The following KCNQ2 variants were observed in gnomAD, a reference collection of about 807,000 sequenced individuals.
The protein encoded by KCNQ2 is potassium voltage-gated channel subfamily Q member 2.
In KCNQ2, 14 loss-of-function variants were observed where a neutral mutation model predicts 84.8. That is an observed-to-expected ratio of 0.17 (90% CI 0.11 to 0.26). KCNQ2 has a LOEUF of 0.26. Among genes scored for constraint, KCNQ2 ranks in the 10% least tolerant of loss-of-function variants. KCNQ2 has a pLI of 1.00. For synonymous variants in KCNQ2, 599 were observed against 554.1 expected (o/e 1.08, Z -1.14); for missense variants, 788 against 1,254.0 (o/e 0.63, Z 5.61).
chr20:63,457,805 G>A (rs554392405), intron 1 of KCNQ2, among the ~76,000 whole-genome samples: 7 of 152,350 alleles, frequency 4.6e-5, no homozygotes, highest in Middle Eastern at 3.4e-3. Flanking sequence ...CATCCGCCAT[G>A]CACCCCAGGG....
At chr20:63,426,849 A>G (rs563612680) in intron 10 of KCNQ2, among the ~76,000 whole-genome samples, 14 of 152,294 alleles carry the variant, frequency 9.2e-5, no homozygotes, top group African/African-American at 3.4e-4. Flanking sequence ...AGTTTCTTCC[A>G]GCCTGCACCT....
At chr20:63,439,861 G>A (rs987149302) in intron 5 of KCNQ2, 153 bp from the exon 6 acceptor site, 8 of 689,652 alleles carry the variant, frequency 1.2e-5, no homozygotes, top group Non-Finnish European at 2.1e-5. Flanking sequence ...GGCCAGGGTC[G>A]GTGTCGGCCG....
In KCNQ2 at chr20:63,446,959, TC is replaced by T; in HGVS notation, c.297-123del. ...AGCAGGGCACCAGCATGGCCGCGTC[TC>T]CAGAACGCAGGACCCCACTCCCCAC... On this transcript the variant is annotated intron_variant, in intron 1 of 16. Transcript: ENST00000359125. This position sits in a 1 kb window ranked among gnomAD's most constrained non-coding sequence, Gnocchi z 5.5. 1 of 877,938 alleles carries T rather than the reference TC, an allele frequency of 1.1e-6. No homozygotes were observed. The highest frequency in any genetic ancestry group is 1.9e-6 in the Non-Finnish European group (1 of 528,186). 54.4% of individuals were successfully genotyped at this position (877,938 alleles called of 1,614,324 possible).
chr20:63,426,382 C>T (rs2080636317), intron 10 of KCNQ2, among the ~76,000 whole-genome samples: 1 of 152,230 alleles, frequency 6.6e-6, no homozygotes, highest in African/African-American at 2.4e-5. Context: ...GGCTTCTCTC[C>T]AAAGCAGGCT....
Position 63,446,932 on chromosome 20 carries a change from G to A in KCNQ2, c.297-95C>T, listed in dbSNP as rs1241628501. On this transcript the variant is annotated intron_variant, in intron 1 of 16. Coordinates refer to ENST00000359125, the MANE Select transcript of KCNQ2 (RefSeq NM_172107.4). This position sits in a 1 kb window ranked among gnomAD's most constrained non-coding sequence, Gnocchi z 5.5. Reference sequence around the variant, plus strand: ...TCAGGACCCCACTCCCCACCAGGCCGCAGCAGGGCACCAGCATGGCCGCGT... The same window carrying A: ...TCAGGACCCCACTCCCCACCAGGCCACAGCAGGGCACCAGCATGGCCGCGT... The A allele has an allele frequency of 1.4e-5, 15 of 1,076,602 alleles. No individual in the cohort carries two copies. Among genetic ancestry groups the A allele is most frequent in the East Asian group, 2.4e-5 (1 of 42,300 alleles). The allele number at this position is 1,076,602 out of a possible 1,614,324, so 66.7% of individuals were successfully genotyped here. A position where few individuals can be genotyped will look rare whatever the true frequency, so the allele number is the denominator to read the frequency against.
intron 10 of KCNQ2, 97 bp from the exon 11 acceptor site, chr20:63,424,303 G>T: frequency 7.2e-7 from 1 of 1,382,680 alleles, no homozygotes; most frequent in East Asian, 2.5e-5. Flanking sequence ...TGGGTCAGGG[G>T]CTGCAGGGGA....
At chr20:63,462,321 C>T (rs966341513) in intron 1 of KCNQ2, among the ~76,000 whole-genome samples, 2 of 150,188 alleles carry the variant, frequency 1.3e-5, no homozygotes, top group African/African-American at 4.9e-5. Context: ...GCACCTACCC[C>T]AGGCAGCAGG....
intron 1 of KCNQ2, among the ~76,000 whole-genome samples, chr20:63,456,627 T>C (rs1043227561): frequency 6.6e-6 from 1 of 152,078 alleles, no homozygotes; most frequent in Non-Finnish European, 1.5e-5. Flanking sequence ...GCTAAGCTTC[T>C]CAGCACACCC....
chr20:63,435,390 C>CA (rs11471604), intron 7 of KCNQ2, among the ~76,000 whole-genome samples: 68,356 of 135,862 alleles, frequency 0.5, 17,378 homozygotes, highest in Admixed American at 0.62. Flanking sequence ...CCTATCTCAA[C>CA]AACAACAAAA....
intron 14 of KCNQ2, among the ~76,000 whole-genome samples, 190 bp downstream of exon 14, chr20:63,413,898 G>C (rs954622647): frequency 7.2e-5 from 11 of 152,182 alleles, no homozygotes; most frequent in African/African-American, 2.7e-4. Context: ...CCCGAAACCC[G>C]CCTGAGTCCC....
chr20:63,437,658 C>T (rs1288990429), intron 7 of KCNQ2, among the ~76,000 whole-genome samples: 1 of 152,254 alleles, frequency 6.6e-6, no homozygotes, highest in Non-Finnish European at 1.5e-5. Flanking sequence ...GGATTATCTC[C>T]ATCTCAAGAT....
At chr20:63,465,988 A>C (rs1019295783) in intron 1 of KCNQ2, among the ~76,000 whole-genome samples, 2 of 152,038 alleles carry the variant, frequency 1.3e-5, no homozygotes, top group Non-Finnish European at 2.9e-5. Context: ...GTCTGCGTGG[A>C]AACTAGAAGC....
intron 4 of KCNQ2, among the ~76,000 whole-genome samples, chr20:63,442,848 C>CCACCACCATCACCAT (rs2081237295): frequency 2.9e-5 from 1 of 34,916 alleles, no homozygotes. Context: ...ACCACCATCA[C>CCACCACCATCACCAT]CATCACCACC....
intron 1 of KCNQ2, among the ~76,000 whole-genome samples, chr20:63,453,424 G>A (rs1434288058): frequency 6.6e-6 from 1 of 152,266 alleles, no homozygotes; most frequent in East Asian, 1.9e-4. Context: ...CGTTGGCCAA[G>A]TTCTTCAATT....
intron 11 of KCNQ2, among the ~76,000 whole-genome samples, chr20:63,423,331 G>A (rs6010932): frequency 0.012 from 1,770 of 152,274 alleles, 36 homozygotes; most frequent in African/African-American, 0.041. Flanking sequence ...GCAGCCAGGC[G>A]TCCATCTCGG....
chr20:63,452,899 G>A (rs2081656272), intron 1 of KCNQ2, among the ~76,000 whole-genome samples: 1 of 152,204 alleles, frequency 6.6e-6, no homozygotes. Flanking sequence ...GCCAGCCGGA[G>A]CTCCAGCTGC....
At chr20:63,421,610 C>T (rs766372692) in intron 11 of KCNQ2, among the ~76,000 whole-genome samples, 2 of 152,146 alleles carry the variant, frequency 1.3e-5, no homozygotes, top group Admixed American at 6.5e-5. Context: ...AGACACTGAC[C>T]GAGACCCGAC....
chr20:63,458,398 G>A (rs1454959637), intron 1 of KCNQ2, among the ~76,000 whole-genome samples: 2 of 152,068 alleles, frequency 1.3e-5, no homozygotes, highest in East Asian at 1.9e-4. Flanking sequence ...CTCCCCTCCT[G>A]CCCTCGGCAA....
At chr20:63,427,925 C>T (rs557415721) in intron 10 of KCNQ2, among the ~76,000 whole-genome samples, 1 of 152,346 alleles carries the variant, frequency 6.6e-6, no homozygotes, top group South Asian at 2.1e-4. Flanking sequence ...ACCTCTCCTG[C>T]TCAGCAGGCC....
Sources: allele counts gnomAD v4.1 joint callset (sites outside exome capture counted in the v4.1 genomes callset), GRCh38; gene constraint gnomAD v4.1.1; non-coding constraint Gnocchi (gnomAD v3.1); transcripts MANE v1.5; gene names NCBI Gene and HGNC (gene_info 2026-07-23, HGNC 2026-07-21).